The following FTO variants were observed in gnomAD, a reference collection of about 807,000 sequenced individuals.
FTO encodes FTO alpha-ketoglutarate dependent dioxygenase, also known as alpha-ketoglutarate-dependent dioxygenase FTO.
FTO carries 47 observed loss-of-function variants against 63.9 expected under a neutral mutation model. The observed-to-expected ratio is 0.74, with a 90% confidence interval of 0.58 to 0.94. The LOEUF (loss-of-function observed/expected upper bound fraction) is 0.94, where lower values mean the gene tolerates loss of function less well. Ranked by LOEUF, FTO falls within the 40% of genes least tolerant of loss-of-function variation. The probability of loss-of-function intolerance (pLI) is 0.00; values close to 1 mark genes in which losing one functional copy is unlikely to be tolerated. For synonymous variants in FTO, 207 were observed against 224.4 expected (o/e 0.92, Z 0.69); for missense variants, 562 against 618.1 (o/e 0.91, Z 0.96).
At chr16:53,799,497 T>C (rs2078165010) in intron 1 of FTO, among the ~76,000 whole-genome samples, 1 of 152,060 alleles carries the variant, frequency 6.6e-6, no homozygotes, top group Non-Finnish European at 1.5e-5. Context: ...GAGTAAATGT[T>C]TGGTGAATGG....
intron 8 of FTO, among the ~76,000 whole-genome samples, chr16:53,984,117 A>T (rs1271075236): frequency 6.6e-6 from 1 of 152,092 alleles, no homozygotes; most frequent in Non-Finnish European, 1.5e-5. Context: ...TGAAGAACAC[A>T]GTTACTCTGA....
In FTO at chr16:54,111,984, T is replaced by TA; in HGVS notation, c.*71dup. On this transcript the variant is annotated 3_prime_UTR_variant, in exon 9 of 9. Transcript: ENST00000471389. ...TTCTCCTCCAACGTTGTCATGGGCTTAAGCAAGAGCAGTGGAGACTTCTCT... is the reference window on the plus strand; with the variant it reads ...TTCTCCTCCAACGTTGTCATGGGCTTAAAGCAAGAGCAGTGGAGACTTCTCT... The TA allele has an allele frequency of 6.4e-7, 1 of 1,573,654 alleles. No homozygotes were observed. Among genetic ancestry groups the TA allele is most frequent in the South Asian group, 1.1e-5 (1 of 90,048 alleles).
At chr16:54,009,792 T>G (rs1274531199) in intron 8 of FTO, among the ~76,000 whole-genome samples, 1 of 152,178 alleles carries the variant, frequency 6.6e-6, no homozygotes, top group Non-Finnish European at 1.5e-5. Context: ...ATTCAGCAAG[T>G]CATCTCCTTT....
intron 4 of FTO, among the ~76,000 whole-genome samples, chr16:53,860,917 C>T (rs908210299): frequency 2.5e-4 from 37 of 148,418 alleles, no homozygotes; most frequent in Non-Finnish European, 4.5e-5. Flanking sequence ...CACACACACA[C>T]GTTTACTGTG....
chr16:53,982,885 T>A, intron 8 of FTO, among the ~76,000 whole-genome samples: 1 of 152,134 alleles, frequency 6.6e-6, no homozygotes, highest in East Asian at 1.9e-4. Context: ...TTCAGATAGA[T>A]TTTTTTATGA....
intron 8 of FTO, among the ~76,000 whole-genome samples, chr16:53,983,072 C>T (rs1479305728): frequency 2.0e-5 from 3 of 151,956 alleles, no homozygotes; most frequent in Admixed American, 6.6e-5. Context: ...TGCTAGCTAG[C>T]GGAAAATATG....
chr16:53,996,150 C>T lies in FTO; in HGVS notation c.1364+62041C>T, dbSNP rs560381662. On this transcript the variant is annotated intron_variant, in intron 8 of 8. Transcript: ENST00000471389. Reference sequence around the variant, plus strand: ...AGAAAGAGCCTGGGTCCACAATGACCAACCTTGAAACCTCCCATTTCCAGA... The same window carrying T: ...AGAAAGAGCCTGGGTCCACAATGACTAACCTTGAAACCTCCCATTTCCAGA... Among the ~76,000 whole-genome samples the T allele has an allele frequency of 8.4e-4, 128 of 152,286 alleles. 1 individual carries two copies. The highest frequency in any genetic ancestry group is 9.6e-4 in the Non-Finnish European group (65 of 68,028).
At chr16:53,745,654 G>A (rs2076633054) in intron 1 of FTO, among the ~76,000 whole-genome samples, 1 of 152,162 alleles carries the variant, frequency 6.6e-6, no homozygotes, top group Admixed American at 6.5e-5. Context: ...TCCCAGAGGA[G>A]GATGGTCAGG....
chr16:53,973,266 C>G (rs933906165), intron 8 of FTO, among the ~76,000 whole-genome samples: 1 of 152,318 alleles, frequency 6.6e-6, no homozygotes, highest in African/African-American at 2.4e-5. Flanking sequence ...CCCAGATGCT[C>G]TCCCCTTGTC....
chr16:54,111,440 AT>A (rs748779776), intron 8 of FTO, among the ~76,000 whole-genome samples: 55 of 152,338 alleles, frequency 3.6e-4, no homozygotes, highest in Non-Finnish European at 5.6e-4. Context: ...CACACTTTAA[AT>A]AACAGTTGAG....
chr16:53,753,252 C>CA (rs35605359), intron 1 of FTO, among the ~76,000 whole-genome samples: 9,725 of 77,472 alleles, frequency 0.13, 460 homozygotes, highest in African/African-American at 0.23. Context: ...GACCCTGTCT[C>CA]AAAAAAAAAA....
intron 8 of FTO, among the ~76,000 whole-genome samples, chr16:54,092,355 A>G (rs564113210): frequency 2.0e-5 from 3 of 152,248 alleles, no homozygotes; most frequent in Admixed American, 1.3e-4. Context: ...GGATCTCAAG[A>G]CCTGGATTCT....
chr16:53,998,956 G>C (rs1198816264), intron 8 of FTO, among the ~76,000 whole-genome samples: 1 of 152,192 alleles, frequency 6.6e-6, no homozygotes, highest in Non-Finnish European at 1.5e-5. Flanking sequence ...TATCTCAAGA[G>C]TGGATTATGT....
intron 8 of FTO, among the ~76,000 whole-genome samples, chr16:54,085,324 T>C (rs2086234992): frequency 6.6e-6 from 1 of 152,248 alleles, no homozygotes. Context: ...TATCCATTTT[T>C]TCCAGCCTTC....
intron 8 of FTO, among the ~76,000 whole-genome samples, chr16:53,966,454 A>G (rs1016496852): frequency 9.2e-5 from 14 of 152,228 alleles, no homozygotes; most frequent in Non-Finnish European, 1.9e-4. Flanking sequence ...AAAATCAACA[A>G]GGAAAATTCC....
chr16:53,808,694 A>T (rs1243760510), intron 1 of FTO, among the ~76,000 whole-genome samples: 1 of 152,216 alleles, frequency 6.6e-6, no homozygotes, highest in Non-Finnish European at 1.5e-5. Context: ...TGTGCACTTT[A>T]TAAAGACATT....
intron 8 of FTO, among the ~76,000 whole-genome samples, chr16:54,004,452 A>G (rs1193688245): frequency 1.3e-5 from 2 of 152,162 alleles, no homozygotes; most frequent in African/African-American, 4.8e-5. Context: ...TAGCAAGTAA[A>G]GTAGCAGAAT....
At chr16:53,905,339 C>A (rs536470523) in intron 7 of FTO, among the ~76,000 whole-genome samples, 8 of 152,238 alleles carry the variant, frequency 5.3e-5, no homozygotes, top group Admixed American at 1.3e-4. Flanking sequence ...TATGGAGAGT[C>A]TCAAGTTTCT....
intron 8 of FTO, among the ~76,000 whole-genome samples, chr16:53,950,252 G>A (rs972827725): frequency 8.0e-5 from 12 of 149,460 alleles, no homozygotes; most frequent in Admixed American, 7.5e-4. Flanking sequence ...GCCCCACACA[G>A]TAGGAAGTCG....
Sources: gnomAD v4.1 joint callset for allele counts (sites outside exome capture counted in the v4.1 genomes callset) on GRCh38, gnomAD v4.1.1 for gene constraint, MANE v1.5 for transcripts, NCBI Gene and HGNC (gene_info 2026-07-23, HGNC 2026-07-21) for gene names.